The following CX3CL1 variants were observed in gnomAD, a reference collection of about 807,000 sequenced individuals.
CX3CL1 encodes C-X3-C motif chemokine ligand 1.
Under a neutral mutation model 14.1 loss-of-function variants are expected in CX3CL1, and 1 was observed. That is an observed-to-expected ratio of 0.07 (90% CI 0.03 to 0.34). CX3CL1 has a LOEUF of 0.34. CX3CL1 is among the 10% of genes least tolerant of loss of function. The probability of loss-of-function intolerance (pLI) is 0.99; values close to 1 mark genes in which losing one functional copy is unlikely to be tolerated. For missense variants in CX3CL1, 505 were observed against 536.4 expected (o/e 0.94, Z 0.58); for synonymous variants, 255 against 229.6 (o/e 1.11, Z -1.00).
chr16:57,374,922 C>T (rs1404869258), intron 1 of CX3CL1, among the ~76,000 whole-genome samples: 2 of 152,212 alleles, frequency 1.3e-5, no homozygotes, highest in East Asian at 3.9e-4. Context: ...GGGCAGATCA[C>T]CTGACGTCAG....
chr16:57,372,673 G>A (rs753160948), intron 1 of CX3CL1, 35 bp downstream of exon 1: 20 of 1,607,800 alleles, frequency 1.2e-5, no homozygotes, highest in Middle Eastern at 1.6e-4. Context: ...AAACAGGGTA[G>A]GGAGCCCCCA....
chr16:57,376,474 G>GGATA (rs1158154030), intron 1 of CX3CL1, among the ~76,000 whole-genome samples: 42 of 151,576 alleles, frequency 2.8e-4, no homozygotes, highest in African/African-American at 8.7e-4. Flanking sequence ...ATGGATGGAT[G>GGATA]GATGGATGGA....
At position 57,382,659 on chromosome 16, in the gene CX3CL1, C is replaced by T. The variant is rs771178265; in HGVS notation, c.821C>T (p.Ala274Val). The change falls in exon 3 of 3, where the codon GCC becomes GTC. Residue 274 changes from alanine (A) to valine (V), a missense_variant. Coordinates refer to ENST00000006053, the MANE Select transcript of CX3CL1 (RefSeq NM_002996.6). This position sits in a 1 kb window ranked among gnomAD's most constrained non-coding sequence, Gnocchi z 6.9. ...EMGPVPAHTD[A>V]FQDWGPGSMA... ...GGTCCCGTGCCAGCGCACACGGATG[C>T]CTTCCAGGACTGGGGGCCTGGCAGC... 6.2e-6 allele frequency: 10 copies of T among 1,612,696 alleles called. No homozygotes were observed. Among genetic ancestry groups the T allele is most frequent in the Admixed American group, 3.3e-5 (2 of 59,938 alleles).
At chr16:57,373,704 T>A (rs7198796) in intron 1 of CX3CL1, among the ~76,000 whole-genome samples, 10 of 152,108 alleles carry the variant, frequency 6.6e-5, no homozygotes, top group African/African-American at 2.4e-4. Flanking sequence ...CTGTCTGGGC[T>A]GGGGCCCTGA....
chr16:57,374,403 C>G (rs911206300), intron 1 of CX3CL1, among the ~76,000 whole-genome samples: 6 of 151,984 alleles, frequency 3.9e-5, no homozygotes, highest in Admixed American at 6.6e-5. Context: ...ATTGCCCCCC[C>G]ACTCCAAGAG....
rs370865675 is a variant in CX3CL1, at chr16:57,382,899, G to A, written c.1061G>A (p.Cys354Tyr). Residue 354 changes from cysteine to tyrosine, a missense_variant, in exon 3 of 3, where the codon TGC (cysteine) becomes TAC (tyrosine). Physicochemically the swap from Cys to Tyr is radical, Grantham distance 194 (BLOSUM62 -2). Transcript: ENST00000006053. This position sits in a 1 kb window ranked among gnomAD's most constrained non-coding sequence, Gnocchi z 6.9. The stretch of plus-strand genomic sequence containing the variant: ...CTGGCCTTCCTTGGCCTCCTCTTCT[G>A]CCTGGGGGTGGCCATGTTCACCTAC... ...GLLAFLGLLF[C>Y]LGVAMFTYQS... The A allele has an allele frequency of 3.2e-6, 5 of 1,554,674 alleles. No individual in the cohort carries two copies. The highest frequency in any genetic ancestry group is 3.5e-6 in the Non-Finnish European group (4 of 1,147,840).
At chr16:57,374,013 T>C (rs1201351125) in intron 1 of CX3CL1, among the ~76,000 whole-genome samples, 1 of 152,098 alleles carries the variant, frequency 6.6e-6, no homozygotes. Context: ...GTGCTCAGAC[T>C]AGCAGCCTGA....
At chr16:57,376,469 TGG>T (rs1902247166) in intron 1 of CX3CL1, among the ~76,000 whole-genome samples, 1 of 151,050 alleles carries the variant, frequency 6.6e-6, no homozygotes, top group Non-Finnish European at 1.5e-5. Context: ...GATGGATGGA[TGG>T]ATGGATGGAT....
intron 2 of CX3CL1, among the ~76,000 whole-genome samples, chr16:57,380,283 C>T (rs1300005390): frequency 1.3e-5 from 2 of 152,140 alleles, no homozygotes; most frequent in East Asian, 1.9e-4. Context: ...TTGGCAAGGG[C>T]GCGGTGGCTA....
At position 57,382,319 on chromosome 16, in the gene CX3CL1, G is replaced by A. The variant is rs138964688; in HGVS notation, c.481G>A (p.Val161Met). ...LGTSPELPTG[V>M]TGSSGTRLPP... is the part of the protein sequence containing the mutation. The stretch of plus-strand genomic sequence containing the variant: ...GACCTCCCCAGAGCTGCCGACGGGC[G>A]TGACTGGTTCCTCAGGGACCAGGCT... The change falls in exon 3 of 3, where the codon GTG becomes ATG. Residue 161 changes from valine (V) to methionine (M), a missense_variant. Coordinates refer to ENST00000006053, the MANE Select transcript of CX3CL1 (RefSeq NM_002996.6). This position sits in a 1 kb window ranked among gnomAD's most constrained non-coding sequence, Gnocchi z 6.9. 6.9e-5 allele frequency: 111 copies of A among 1,604,834 alleles called. No individual in the cohort carries two copies. Among genetic ancestry groups the A allele is most frequent in the Middle Eastern group, 1.7e-4 (1 of 6,036 alleles).
rs756281236 is a variant in CX3CL1, at chr16:57,372,585, T to A, written c.17T>A (p.Leu6Gln). 5.0e-6 allele frequency: 8 copies of A among 1,613,122 alleles called. No homozygotes were observed. In the Admixed American group the frequency reaches 1.2e-4, roughly 24 times the overall value. Residue 6 changes from leucine (L) to glutamine (Q), a missense_variant, in exon 1 of 3, where the codon CTG becomes CAG. Leu to Gln is a moderately radical substitution (Grantham distance 113, BLOSUM62 -2). Coordinates refer to ENST00000006053, the MANE Select transcript of CX3CL1 (RefSeq NM_002996.6). Reference sequence around the variant, plus strand: ...CCCTCAGCCATGGCTCCGATATCTCTGTCGTGGCTGCTCCGCTTGGCCACC... The same window carrying A: ...CCCTCAGCCATGGCTCCGATATCTCAGTCGTGGCTGCTCCGCTTGGCCACC... MAPIS[L>Q]SWLLRLATFC...
chr16:57,376,611 G>A (rs925955286), intron 1 of CX3CL1, among the ~76,000 whole-genome samples: 14 of 151,902 alleles, frequency 9.2e-5, no homozygotes, highest in Non-Finnish European at 1.6e-4. Flanking sequence ...GATAAAAGGG[G>A]GCGGAAGATT....
At chr16:57,381,932 T>C in intron 2 of CX3CL1, 98 bp from the exon 3 acceptor site, 5 of 1,325,994 alleles carry the variant, frequency 3.8e-6, no homozygotes, top group Non-Finnish European at 5.1e-6. Context: ...CAGCCGGGTG[T>C]GTTCACCTGC....
In CX3CL1 at chr16:57,382,653, C is replaced by G; in HGVS notation, c.815C>G (p.Thr272Arg). ...GAGATGGGTCCCGTGCCAGCGCACA[C>G]GGATGCCTTCCAGGACTGGGGGCCT... ...REEMGPVPAH[T>R]DAFQDWGPGS... Residue 272 changes from threonine to arginine, a missense_variant, in exon 3 of 3, where the codon ACG becomes AGG. Transcript: ENST00000006053. This position sits in a 1 kb window ranked among gnomAD's most constrained non-coding sequence, Gnocchi z 6.9. The G allele has an allele frequency of 6.2e-7, 1 of 1,613,104 alleles. No individual in the cohort carries two copies. The highest frequency in any genetic ancestry group is 1.1e-5 in the South Asian group (1 of 90,942).
Position 57,382,123 on chromosome 16 carries a change from C to A in CX3CL1, c.285C>A (p.Ala95=). The A allele has an allele frequency of 1.2e-6, 2 of 1,614,060 alleles. No individual in the cohort carries two copies. Among genetic ancestry groups the A allele is most frequent in the Non-Finnish European group, 1.7e-6 (2 of 1,180,000 alleles). ...AGCATCTGGACCGCCAGGCTGCTGC[C>A]CTAACTCGAAATGGCGGCACCTTCG... The part of the protein sequence containing the change: ...AMQHLDRQAA[A]LTRNGGTFEK... Residue 95 remains alanine (A), a synonymous_variant, in exon 3 of 3, where the codon GCC becomes GCA. Transcript: ENST00000006053. This position sits in a 1 kb window ranked among gnomAD's most constrained non-coding sequence, Gnocchi z 6.9.
chr16:57,372,955 G>C (rs1439858683), intron 1 of CX3CL1, among the ~76,000 whole-genome samples: 3 of 152,134 alleles, frequency 2.0e-5, no homozygotes, highest in African/African-American at 4.8e-5. Context: ...GGGGTGGAGA[G>C]AGCCTGCAGA....
At chr16:57,374,037 G>C (rs1902213223) in intron 1 of CX3CL1, among the ~76,000 whole-genome samples, 1 of 152,114 alleles carries the variant, frequency 6.6e-6, no homozygotes, top group Admixed American at 6.6e-5. Flanking sequence ...TTTAGAACCA[G>C]GCTTCTGCCC....
chr16:57,373,862 C>T (rs548712042), intron 1 of CX3CL1, among the ~76,000 whole-genome samples: 1 of 152,216 alleles, frequency 6.6e-6, no homozygotes, highest in Non-Finnish European at 1.5e-5. Context: ...ATTACCTCTC[C>T]GGTGGATTGG....
rs1053439770 is a variant in CX3CL1 at position 57,384,082 on chromosome 16, A to C, written c.*1050A>C. On this transcript the variant is annotated 3_prime_UTR_variant, in exon 3 of 3. Transcript: ENST00000006053. ...GAGGGAGGGCTCCAGACACATGTCC[A>C]AGAAGCCCAGGAAAGGCTCCAGGAG... 4 of 152,242 alleles carry C rather than the reference A, an allele frequency of 2.6e-5. No homozygotes were observed. Among genetic ancestry groups the C allele is most frequent in the Non-Finnish European group, 5.9e-5 (4 of 68,060 alleles). 9.4% of individuals were successfully genotyped at this position (152,242 alleles called of 1,614,324 possible).
Sources: gnomAD v4.1 joint callset for allele counts (sites outside exome capture counted in the v4.1 genomes callset) on GRCh38, gnomAD v4.1.1 for gene constraint, Gnocchi (gnomAD v3.1) non-coding constraint, MANE v1.5 for transcripts, NCBI Gene and HGNC (gene_info 2026-07-23, HGNC 2026-07-21) for gene names.